The following SSH3 variants were observed in gnomAD, a reference collection of about 807,000 sequenced individuals.
The protein encoded by SSH3 is protein phosphatase Slingshot homolog 3.
SSH3 carries 67 observed loss-of-function variants against 75.0 expected under a neutral mutation model. That is an observed-to-expected ratio of 0.89 (90% CI 0.73 to 1.10). The LOEUF (loss-of-function observed/expected upper bound fraction) is 1.10, where lower values mean the gene tolerates loss of function less well. SSH3 is among the 50% of genes least tolerant of loss of function. The probability of loss-of-function intolerance (pLI) is 0.00; values close to 1 mark genes in which losing one functional copy is unlikely to be tolerated. For missense variants in SSH3, 824 were observed against 872.7 expected (o/e 0.94, Z 0.70); for synonymous variants, 318 against 349.2 (o/e 0.91, Z 1.00).
At chr11:67,303,994 TG>T in intron 1 of SSH3, 123 bp from the exon 2 acceptor site, 1 of 1,279,236 alleles carries the variant, frequency 7.8e-7, no homozygotes, top group South Asian at 1.3e-5. Flanking sequence ...GGGCGTGGAC[TG>T]GGGTGGGAAG....
At position 67,303,593 on chromosome 11, in the gene SSH3, C is replaced by T. The variant is rs888622353; in HGVS notation, c.-33C>T. 2 of 1,516,170 alleles carry T rather than the reference C, an allele frequency of 1.3e-6. No homozygotes were observed. Among genetic ancestry groups the T allele is most frequent in the Non-Finnish European group, 1.8e-6 (2 of 1,138,266 alleles). The allele number at this position is 1,516,170 out of a possible 1,614,324, so 93.9% of individuals were successfully genotyped here. A position where few individuals can be genotyped will look rare whatever the true frequency, so the allele number is the denominator to read the frequency against. On this transcript the variant is annotated 5_prime_UTR_variant, in exon 1 of 14. Coordinates refer to ENST00000308127, the MANE Select transcript of SSH3 (RefSeq NM_017857.4). Reference sequence around the variant, plus strand: ...CGGGGTTGAGGGAAGGGGCCGTGCCCGGTGCCAGCCCAGGTGCTCGCGGCC... The same window carrying T: ...CGGGGTTGAGGGAAGGGGCCGTGCCTGGTGCCAGCCCAGGTGCTCGCGGCC...
chr11:67,303,853 C>G (rs1371729897), intron 1 of SSH3, 162 bp downstream of exon 1: 7 of 797,814 alleles, frequency 8.8e-6, no homozygotes, highest in Non-Finnish European at 1.1e-5. Flanking sequence ...GGTACTGGCG[C>G]CGGGGCACAA....
rs750166856 is a variant in SSH3 at position 67,310,227 on chromosome 11, A to G, written c.1571A>G (p.Glu524Gly). The change falls in exon 13 of 14, where the codon GAA becomes GGA. Residue 524 changes from glutamate (E) to glycine (G), a missense_variant. By Grantham distance (98) the Glu-to-Gly change is moderately conservative (BLOSUM62 -2). Transcript: ENST00000308127. ...GMEESQAAPK[E>G]EPGPRPRINL... ...GAAGAGAGCCAGGCAGCCCCGAAAGAAGAGCCTGGGCCACGGCCACGTATA... is the reference window on the plus strand; with the variant it reads ...GAAGAGAGCCAGGCAGCCCCGAAAGGAGAGCCTGGGCCACGGCCACGTATA... 226 of 1,614,088 alleles carry G rather than the reference A, an allele frequency of 1.4e-4. No individual in the cohort carries two copies. The highest frequency in any genetic ancestry group is 1.9e-4 in the Non-Finnish European group (220 of 1,180,032).
At chr11:67,304,014 C>G (rs984414394) in intron 1 of SSH3, 104 bp from the exon 2 acceptor site, 2 of 1,392,246 alleles carry the variant, frequency 1.4e-6, no homozygotes, top group African/African-American at 2.9e-5. Context: ...AGACGATTGG[C>G]ATCTGGCGCC....
At position 67,311,980 on chromosome 11, in the gene SSH3, T is replaced by C; in HGVS notation, c.*93T>C. ...ACGTCTGTTGCCGCACACATTCCTC[T>C]CAGCTCCGCCCCATACCCGTCACTA... is the stretch of plus-strand genomic sequence containing the variant. On this transcript the variant is annotated 3_prime_UTR_variant, in exon 14 of 14. Transcript: ENST00000308127. 6.5e-7 allele frequency: 1 copy of C among 1,529,592 alleles called. No homozygotes were observed. Among genetic ancestry groups the C allele is most frequent in the Non-Finnish European group, 8.8e-7 (1 of 1,138,462 alleles). The allele number at this position is 1,529,592 out of a possible 1,614,324, so 94.8% of individuals were successfully genotyped here. A position where few individuals can be genotyped will look rare whatever the true frequency, so the allele number is the denominator to read the frequency against.
chr11:67,304,014 C>A, intron 1 of SSH3, 104 bp from the exon 2 acceptor site: 1 of 1,392,364 alleles, frequency 7.2e-7, no homozygotes, highest in Non-Finnish European at 9.8e-7. Context: ...AGACGATTGG[C>A]ATCTGGCGCC....
At position 67,307,494 on chromosome 11, in the gene SSH3, G is replaced by A. The variant is rs1242164446; in HGVS notation, c.603-55G>A. On this transcript the variant is annotated intron_variant, in intron 6 of 13. Transcript: ENST00000308127. The surrounding 1 kb of genome is among the most constrained non-coding windows in gnomAD (Gnocchi z 4.2). The stretch of plus-strand genomic sequence containing the variant: ...CCTCTCCTTCGAAGGAGGCTGCAGG[G>A]CCTGGGGAAGGGCAGCAAGGGAACA... 1.9e-6 allele frequency: 3 copies of A among 1,613,074 alleles called. No homozygotes were observed. In the Admixed American group the frequency reaches 5.0e-5, roughly 27 times the overall value.
chr11:67,306,011 C>T (rs1314500061), intron 3 of SSH3, among the ~76,000 whole-genome samples: 2 of 152,028 alleles, frequency 1.3e-5, no homozygotes, highest in Non-Finnish European at 2.9e-5. Context: ...AAAAACTGGC[C>T]GGGCGCGGTG....
Position 67,307,012 on chromosome 11 carries a change from GA to G in SSH3, c.465-29del, listed in dbSNP as rs1565088642. Reference sequence around the variant, plus strand: ...GGGCAAAGAGGTGAGGGACAGGGGGGACAATGGCTTTCCCTCTGTCCCCTGC... The same window carrying G: ...GGGCAAAGAGGTGAGGGACAGGGGGGCAATGGCTTTCCCTCTGTCCCCTGC... On this transcript the variant is annotated intron_variant, in intron 4 of 13. Transcript: ENST00000308127. The surrounding 1 kb of genome is among the most constrained non-coding windows in gnomAD (Gnocchi z 4.2). 11 of 1,613,702 alleles carry G rather than the reference GA, an allele frequency of 6.8e-6. No homozygotes were observed. The highest frequency in any genetic ancestry group is 9.3e-6 in the Non-Finnish European group (11 of 1,179,812).
rs1861321774 is a variant in SSH3, at chr11:67,308,626, G to A, written c.1061+168G>A. Among the ~76,000 whole-genome samples the A allele has an allele frequency of 6.6e-6, 1 of 152,118 alleles. No homozygotes were observed. Among genetic ancestry groups the A allele is most frequent in the Non-Finnish European group, 1.5e-5 (1 of 68,018 alleles). On this transcript the variant is annotated intron_variant, in intron 10 of 13. Coordinates refer to ENST00000308127, the MANE Select transcript of SSH3 (RefSeq NM_017857.4). This position sits in a 1 kb window ranked among gnomAD's most constrained non-coding sequence, Gnocchi z 4.9. The stretch of plus-strand genomic sequence containing the variant: ...GCCCTGGTGTGGGCTCCCAGGTGGG[G>A]ACAGGAGACCTGCTGGCCAGCCCCC...
intron 13 of SSH3, 105 bp from the exon 14 acceptor site, chr11:67,311,486 G>A: frequency 3.5e-6 from 5 of 1,433,356 alleles, no homozygotes; most frequent in Non-Finnish European, 3.9e-6. Flanking sequence ...GCCTCCTCCT[G>A]GCTCTGTGCT....
rs1861124273 is a variant in SSH3 at position 67,303,544 on chromosome 11, G to A, written c.-82G>A. 2 of 1,397,154 alleles carry A rather than the reference G, an allele frequency of 1.4e-6. No homozygotes were observed. The highest frequency in any genetic ancestry group is 1.3e-5 in the South Asian group (1 of 77,408). The allele number at this position is 1,397,154 out of a possible 1,614,324, so 86.5% of individuals were successfully genotyped here. The stretch of plus-strand genomic sequence containing the variant: ...CGGGTGGCGCCGTCCGTCCTTCCTG[G>A]TCCTGCGGGTCCAGGACTGTCCGCG... On this transcript the variant is annotated 5_prime_UTR_variant, in exon 1 of 14. Transcript: ENST00000308127.
chr11:67,310,219 C>A lies in SSH3; in HGVS notation c.1563C>A (p.Ala521=), dbSNP rs1376882242. The change falls in exon 13 of 14, where the codon GCC becomes GCA. Residue 521 remains alanine, a synonymous_variant. Transcript: ENST00000308127. ...TAGGCATGGAAGAGAGCCAGGCAGC[C>A]CCGAAAGAAGAGCCTGGGCCACGGC... ...KVVGMEESQA[A]PKEEPGPRPR... 1.2e-6 allele frequency: 2 copies of A among 1,614,186 alleles called. No homozygotes were observed. Among genetic ancestry groups the A allele is most frequent in the South Asian group, 2.2e-5 (2 of 91,084 alleles).
At chr11:67,304,062 G>T (rs1268604048) in intron 1 of SSH3, 56 bp from the exon 2 acceptor site, 3 of 1,535,548 alleles carry the variant, frequency 2.0e-6, no homozygotes, top group Middle Eastern at 1.7e-4. Flanking sequence ...TCCTGAGAGA[G>T]GGGAGGGGAC....
At position 67,311,770 on chromosome 11, in the gene SSH3, G is replaced by A. The variant is rs564180072; in HGVS notation, c.1863G>A (p.Glu621=). 1.3e-4 allele frequency: 203 copies of A among 1,613,848 alleles called. 2 individuals are homozygous for A. The South Asian group carries it at 2.1e-3, about 17-fold the overall frequency. ...VVANRTQAFQ[E]QEQGQGQGQG... is the part of the protein sequence containing the mutation. ...CCAACCGGACCCAGGCCTTCCAGGA[G>A]CAGGAGCAGGGGCAGGGGCAGGGGC... Residue 621 remains glutamate (E), a synonymous_variant, in exon 14 of 14, where the codon GAG becomes GAA. Transcript: ENST00000308127.
At position 67,304,924 on chromosome 11, in the gene SSH3, C is replaced by G. The variant is rs1861188579; in HGVS notation, c.256C>G (p.Gln86Glu). The G allele has an allele frequency of 8.1e-6, 13 of 1,613,728 alleles. No individual in the cohort carries two copies. Among genetic ancestry groups the G allele is most frequent in the Non-Finnish European group, 1.1e-5 (13 of 1,179,990 alleles). The change falls in exon 3 of 14, where the codon CAG becomes GAG. Residue 86 changes from glutamine (Q) to glutamate (E), a missense_variant. Physicochemically the swap from Gln to Glu is conservative, Grantham distance 29. Transcript: ENST00000308127. Reference protein sequence around the residue: ...GDQTDFGQGSQSPQKQEEQRQ... With the variant: ...GDQTDFGQGSESPQKQEEQRQ... ...CCAGACAGACTTCGGGCAAGGATCC[C>G]AGAGTCCCCAGAAGCAGGAGGAGCA... is the stretch of plus-strand genomic sequence containing the variant.
chr11:67,303,979 C>A, intron 1 of SSH3, 139 bp from the exon 2 acceptor site: 1 of 1,176,658 alleles, frequency 8.5e-7, no homozygotes, highest in South Asian at 1.5e-5. Context: ...CGGGGCCTCC[C>A]GGTGGGGCGT....
At chr11:67,306,778 C>G in intron 3 of SSH3, 60 bp from the exon 4 acceptor site, 1 of 1,537,186 alleles carries the variant, frequency 6.5e-7, no homozygotes, top group Non-Finnish European at 8.8e-7. Flanking sequence ...CCTGGGGTGT[C>G]TAGGTGGGGA....
At chr11:67,306,599 TCAAAA>T (rs1168382135) in intron 3 of SSH3, among the ~76,000 whole-genome samples, 2 of 152,112 alleles carry the variant, frequency 1.3e-5, no homozygotes, top group Admixed American at 1.3e-4. Flanking sequence ...AGACCCTATC[TCAAAA>T]CAAAAACAAA....
Sources: gnomAD v4.1 joint callset for allele counts (sites outside exome capture counted in the v4.1 genomes callset) on GRCh38, gnomAD v4.1.1 for gene constraint, Gnocchi (gnomAD v3.1) non-coding constraint, MANE v1.5 for transcripts, NCBI Gene and HGNC (gene_info 2026-07-23, HGNC 2026-07-21) for gene names.